CD200R1L: variants seen among roughly 807,000 people sequenced by gnomAD.
The protein encoded by CD200R1L is cell surface glycoprotein CD200 receptor 2.
A neutral mutation model predicts 24.8 loss-of-function variants in CD200R1L; 14 were observed. That is an observed-to-expected ratio of 0.56 (90% confidence interval 0.37 to 0.88). The LOEUF is 0.88. Among genes scored for constraint, CD200R1L ranks in the 40% least tolerant of loss-of-function variants. CD200R1L has a pLI of 0.00. For synonymous variants in CD200R1L, 111 were observed against 109.2 expected (o/e 1.02, Z -0.11); for missense variants, 299 against 297.8 (o/e 1.00, Z -0.03).
rs189567671 is a variant in CD200R1L, at chr3:112,817,728, A to G, written c.741-1753T>C. 6.2e-4 allele frequency among the ~76,000 whole-genome samples: 95 copies of G among 152,366 alleles called. 1 individual carries two copies. Among genetic ancestry groups the G allele is most frequent in the Admixed American group, 4.6e-3 (70 of 15,302 alleles). ...TCAGCAATTAAATAACCATATGCATATAATATCATCCAATTTATGCATTCA... is the reference window on the plus strand; with the variant it reads ...TCAGCAATTAAATAACCATATGCATGTAATATCATCCAATTTATGCATTCA... On this transcript the variant is annotated intron_variant, in intron 7 of 7. Coordinates refer to ENST00000488794, the MANE Select transcript of CD200R1L (RefSeq NM_001199215.3).
chr3:112,838,173 T>C (rs1194819478), intron 2 of CD200R1L, among the ~76,000 whole-genome samples, 163 bp from the exon 3 acceptor site: 1 of 146,506 alleles, frequency 6.8e-6, no homozygotes, highest in African/African-American at 2.8e-5. Flanking sequence ...ATAAAAGAAA[T>C]CAGCAGTGAG....
intron 3 of CD200R1L, among the ~76,000 whole-genome samples, chr3:112,837,512 T>C (rs934420188): frequency 2.0e-5 from 3 of 152,226 alleles, no homozygotes; most frequent in Non-Finnish European, 4.4e-5. Flanking sequence ...TTCTACCCTG[T>C]ACTTTAGTCC....
Position 112,815,908 on chromosome 3 carries a change from A to G in CD200R1L, c.*55T>C. ...CTGCTGGACCATCACTCATCTCACC[A>G]ATGTTGCAGTCCAGAGACAAGGAGG... On this transcript the variant is annotated 3_prime_UTR_variant, in exon 8 of 8. Coordinates refer to ENST00000488794, the MANE Select transcript of CD200R1L (RefSeq NM_001199215.3). The G allele has an allele frequency of 3.9e-6, 3 of 778,682 alleles. No homozygotes were observed. The South Asian group carries it at 4.0e-5, about 10-fold the overall frequency. 48.2% of individuals were successfully genotyped at this position (778,682 alleles called of 1,614,324 possible). A position where few individuals can be genotyped will look rare whatever the true frequency, so the allele number is the denominator to read the frequency against.
rs1335611736 is a variant in CD200R1L, at chr3:112,827,217, T to C, written c.392A>G (p.Gln131Arg). The change falls in exon 6 of 8, where the codon CAA becomes CGA. Residue 131 changes from glutamine (Q) to arginine (R), a missense_variant. By Grantham distance (43) the Gln-to-Arg change is conservative (BLOSUM62 1). Coordinates refer to ENST00000488794, the MANE Select transcript of CD200R1L (RefSeq NM_001199215.3). The stretch of plus-strand genomic sequence containing the variant: ...GCATACTGCAGTTATATTCCTGCTT[T>C]GAAATAGGTTCACTTCGGGTGTAAC... ...VLVTPEVNLF[Q>R]SRNITAVCKA... The C allele has an allele frequency of 1.9e-6, 3 of 1,612,680 alleles. No homozygotes were observed. The highest frequency in any genetic ancestry group is 2.2e-5 in the South Asian group (2 of 90,852).
At chr3:112,841,279 C>T in intron 2 of CD200R1L, 1 of 451,832 alleles carries the variant, frequency 2.2e-6, no homozygotes, top group Non-Finnish European at 4.4e-6. Context: ...ATGCTTGCTT[C>T]CCCTTCACAT....
At chr3:112,829,251 G>T in intron 4 of CD200R1L, 68 bp downstream of exon 4, 1 of 1,243,856 alleles carries the variant, frequency 8.0e-7, no homozygotes, top group South Asian at 1.2e-5. Context: ...CAGGCCATCA[G>T]CTAATGATTC....
At chr3:112,843,155 G>C (rs1245061405) in intron 2 of CD200R1L, among the ~76,000 whole-genome samples, 3 of 152,134 alleles carry the variant, frequency 2.0e-5, no homozygotes, top group Non-Finnish European at 2.9e-5. Flanking sequence ...TGAGGATATA[G>C]TCAACAAAAA....
chr3:112,815,943 A>C lies in CD200R1L; in HGVS notation c.*20T>G, dbSNP rs752999521. On this transcript the variant is annotated 3_prime_UTR_variant, in exon 8 of 8. Coordinates refer to ENST00000488794, the MANE Select transcript of CD200R1L (RefSeq NM_001199215.3). ...TCCAGAGACAAGGAGGAGAAGCAAA[A>C]GAAGACCCTTCCTTCTTCTTTAAAG... The C allele has an allele frequency of 2.6e-5, 20 of 780,524 alleles. 1 individual carries two copies. Among genetic ancestry groups the C allele is most frequent in the South Asian group, 2.4e-4 (18 of 74,596 alleles). 48.3% of individuals were successfully genotyped at this position (780,524 alleles called of 1,614,324 possible). A position where few individuals can be genotyped will look rare whatever the true frequency, so the allele number is the denominator to read the frequency against.
intron 6 of CD200R1L, 21 bp downstream of exon 6, chr3:112,826,972 C>T (rs1938669848): frequency 1.9e-6 from 3 of 1,557,090 alleles, no homozygotes; most frequent in African/African-American, 2.8e-5. Context: ...GTTTACTCTT[C>T]TACAAGAAAC....
intron 2 of CD200R1L, among the ~76,000 whole-genome samples, chr3:112,840,860 G>A (rs79521138): frequency 0.023 from 3,551 of 152,104 alleles, 132 homozygotes; most frequent in African/African-American, 0.081. Context: ...TTGTGACTGT[G>A]ATTATTAAAT....
intron 6 of CD200R1L, among the ~76,000 whole-genome samples, chr3:112,820,715 GC>G (rs1480117138): frequency 1.3e-5 from 2 of 151,730 alleles, no homozygotes; most frequent in African/African-American, 2.4e-5. Context: ...ACCGGCATGA[GC>G]CACCATGCCC....
chr3:112,841,303 G>GT (rs1559926666), intron 2 of CD200R1L: 2 of 451,398 alleles, frequency 4.4e-6, no homozygotes, highest in South Asian at 3.2e-5. Flanking sequence ...CACCATGATT[G>GT]TAAGTTTTTT....
Position 112,819,770 on chromosome 3 carries a change from A to G in CD200R1L, c.740+2T>C. Reference sequence around the variant, plus strand: ...TTATGCTTTTCAGTCTTCAGTTCCTACCTGACATGATTTATCCTCTGGAAG... The same window carrying G: ...TTATGCTTTTCAGTCTTCAGTTCCTGCCTGACATGATTTATCCTCTGGAAG... On this transcript the variant is annotated splice_donor_variant, in intron 7 of 7. Coordinates refer to ENST00000488794, the MANE Select transcript of CD200R1L (RefSeq NM_001199215.3). LOFTEE classifies it high-confidence loss of function. 6.3e-7 allele frequency: 1 copy of G among 1,597,016 alleles called. No homozygotes were observed. Among genetic ancestry groups the G allele is most frequent in the Non-Finnish European group, 8.5e-7 (1 of 1,175,340 alleles).
intron 6 of CD200R1L, 141 bp from the exon 7 acceptor site, chr3:112,820,036 T>G: frequency 2.8e-6 from 2 of 710,448 alleles, no homozygotes; most frequent in Non-Finnish European, 4.3e-6. Context: ...AAATTATGAC[T>G]CAAATGTTAC....
intron 2 of CD200R1L, among the ~76,000 whole-genome samples, chr3:112,840,077 A>G (rs1939044031): frequency 6.6e-6 from 1 of 152,222 alleles, no homozygotes; most frequent in Non-Finnish European, 1.5e-5. Flanking sequence ...AATATTAAGG[A>G]TGTGGAATAA....
intron 3 of CD200R1L, among the ~76,000 whole-genome samples, chr3:112,837,151 T>C (rs892300478): frequency 5.3e-5 from 8 of 152,236 alleles, no homozygotes; most frequent in Non-Finnish European, 7.3e-5. Flanking sequence ...TTTTCTAATT[T>C]AATAGGAGAA....
chr3:112,846,402 C>T (rs1939201852), intron 1 of CD200R1L, among the ~76,000 whole-genome samples: 1 of 152,216 alleles, frequency 6.6e-6, no homozygotes, highest in South Asian at 2.1e-4. Flanking sequence ...TGTAGATTTA[C>T]ATTATCCCAG....
At position 112,837,927 on chromosome 3, in the gene CD200R1L, A is replaced by T. The variant is rs997014439; in HGVS notation, c.-18+15T>A. ...CCTCCCATCAAACTGGTTATTAAGT[A>T]AGTGAGCATTTTACCTTCATTAAGA... On this transcript the variant is annotated intron_variant, in intron 3 of 7. Coordinates refer to ENST00000488794, the MANE Select transcript of CD200R1L (RefSeq NM_001199215.3). 4 of 1,133,896 alleles carry T rather than the reference A, an allele frequency of 3.5e-6. No individual in the cohort carries two copies. In the African/African-American group the frequency reaches 5.2e-5, roughly 15 times the overall value. 70.2% of individuals were successfully genotyped at this position (1,133,896 alleles called of 1,614,324 possible).
intron 6 of CD200R1L, among the ~76,000 whole-genome samples, chr3:112,821,832 G>A (rs1224657976): frequency 2.6e-5 from 4 of 152,208 alleles, no homozygotes; most frequent in East Asian, 3.8e-4. Flanking sequence ...AATTCAGAAC[G>A]TTTAATCAAC....
Sources: allele counts gnomAD v4.1 joint callset (sites outside exome capture counted in the v4.1 genomes callset), GRCh38; gene constraint gnomAD v4.1.1; transcripts MANE v1.5; gene names NCBI Gene and HGNC (gene_info 2026-07-23, HGNC 2026-07-21).